Variants in TAB1 observed in about 807,000 individuals in gnomAD.
TAB1 encodes TGF-beta activated kinase 1 (MAP3K7) binding protein 1, also known as TGF-beta-activated kinase 1 and MAP3K7-binding protein 1.
TAB1 carries 30 observed loss-of-function variants against 54.5 expected under a neutral mutation model. That is an observed-to-expected ratio of 0.55 (90% confidence interval 0.41 to 0.75). TAB1 has a LOEUF of 0.75. Among genes scored for constraint, TAB1 ranks in the 30% least tolerant of loss-of-function variants. The pLI is 0.00. For synonymous variants in TAB1, 289 were observed against 286.9 expected, an observed-to-expected ratio of 1.01 and a Z score of -0.07; for missense variants, 609 against 683.2, an observed-to-expected ratio of 0.89 and a Z score of 1.21.
At chr22:39,435,987 A>G (rs1927768936), downstream of TAB1, among the ~76,000 whole-genome samples, 1 of 152,210 alleles carries the variant, frequency 6.6e-6, no homozygotes, top group Non-Finnish European at 1.5e-5. Flanking sequence ...TTTTTAAAAA[A>G]ATAAAAATAA....
At chr22:39,418,285 A>T (rs969102779) in intron 5 of TAB1, among the ~76,000 whole-genome samples, 2 of 152,136 alleles carry the variant, frequency 1.3e-5, no homozygotes, top group Admixed American at 1.3e-4. Context: ...CCTTCTGATG[A>T]TGCTGCCTTT....
At chr22:39,431,977 G>A (rs1048087111), downstream of TAB1, 16 of 688,020 alleles carry the variant, frequency 2.3e-5, no homozygotes, top group South Asian at 6.5e-5. Context: ...AACTCGGCTC[G>A]CCAGGCTGCT....
chr22:39,430,495 A>G lies in TAB1; in HGVS notation c.*273A>G, dbSNP rs1225049407. On this transcript the variant is annotated 3_prime_UTR_variant, in exon 11 of 11. Transcript: ENST00000216160. ...CCTTTCTCAGAGCAGAGGGCCAGGT[A>G]TAGAAACCGCAGTGGGCCTGCAAGC... 2 of 1,343,578 alleles carry G rather than the reference A, an allele frequency of 1.5e-6. No individual in the cohort carries two copies. The highest frequency in any genetic ancestry group is 1.9e-6 in the Non-Finnish European group (2 of 1,041,396). The allele number at this position is 1,343,578 out of a possible 1,614,324, so 83.2% of individuals were successfully genotyped here.
chr22:39,420,409 G>A (rs1315445923), intron 7 of TAB1, among the ~76,000 whole-genome samples: 1 of 152,200 alleles, frequency 6.6e-6, no homozygotes, highest in Admixed American at 6.5e-5. Flanking sequence ...TGGTTGGGGA[G>A]ATAGGCGCGT....
At chr22:39,403,971 G>A (rs561281001) in intron 1 of TAB1, among the ~76,000 whole-genome samples, 1 of 152,282 alleles carries the variant, frequency 6.6e-6, no homozygotes, top group South Asian at 2.1e-4. Context: ...AGTTTGAGTG[G>A]TGAGAGTGGA....
chr22:39,418,979 T>G, intron 6 of TAB1, 134 bp downstream of exon 6: 1 of 693,816 alleles, frequency 1.4e-6, no homozygotes, highest in Non-Finnish European at 2.5e-6. Flanking sequence ...CTGGGGTTCA[T>G]TCCCAGCACT....
rs202229386 is a variant in TAB1, at chr22:39,410,111, TTTC to T, written c.34-4886_34-4884del. On this transcript the variant is annotated intron_variant, in intron 1 of 10. Transcript: ENST00000216160. ...AATTTTGTGTTACTGTGAAGCCGTTTTTCTTCTTCTTTTTGAGACTGAGTCTCA... is the reference window on the plus strand; with the variant it reads ...AATTTTGTGTTACTGTGAAGCCGTTTTTCTTCTTTTTGAGACTGAGTCTCA... Among the ~76,000 whole-genome samples the T allele has an allele frequency of 6.1e-3, 924 of 152,220 alleles. 11 individuals carry two copies. The highest frequency in any genetic ancestry group is 0.042 in the East Asian group (219 of 5,176).
rs1321160758 is a variant in TAB1, at chr22:39,409,199, G to C, written c.34-5807G>C. ...GGAAGACATGGGATACTCCTGACTG[G>C]GTAGATGCTTTTGTATTTCTGCTTA... On this transcript the variant is annotated intron_variant, in intron 1 of 10. Coordinates refer to ENST00000216160, the MANE Select transcript of TAB1 (RefSeq NM_006116.3). Among the ~76,000 whole-genome samples the C allele has an allele frequency of 2.0e-5, 3 of 152,126 alleles. No homozygotes were observed. In the South Asian group the frequency reaches 6.2e-4, roughly 32 times the overall value.
In TAB1 at chr22:39,416,687, G is replaced by A. The variant is rs540739338; in HGVS notation, c.325-104G>A. 118 of 1,063,004 alleles carry A rather than the reference G, an allele frequency of 1.1e-4. No individual in the cohort carries two copies. In the South Asian group the frequency reaches 1.5e-3, roughly 13 times the overall value. The allele number at this position is 1,063,004 out of a possible 1,614,324, so 65.8% of individuals were successfully genotyped here. ...GGAAAGCTCCATCACACAAGAACCT[G>A]CAGTGAAGACAGCAAAGCTGCTGCT... On this transcript the variant is annotated intron_variant, in intron 3 of 10. Transcript: ENST00000216160.
chr22:39,414,737 C>G (rs2145666549), intron 1 of TAB1: 1 of 418,830 alleles, frequency 2.4e-6, no homozygotes, highest in East Asian at 4.6e-5. Context: ...TTCATAACGG[C>G]TCACTCCTGG....
At chr22:39,422,001 G>T in intron 8 of TAB1, 30 bp downstream of exon 8, 1 of 1,498,644 alleles carries the variant, frequency 6.7e-7, no homozygotes, top group Non-Finnish European at 8.9e-7. Flanking sequence ...GCCCATGGCC[G>T]GAGAGCGTGG....
chr22:39,433,606 T>A, downstream of TAB1: 1 of 985,406 alleles, frequency 1.0e-6, no homozygotes, highest in Non-Finnish European at 1.2e-6. Context: ...CTAGGAGTTG[T>A]ACCGTCCTGG....
chr22:39,427,903 C>T lies in TAB1; in HGVS notation c.1145-118C>T, dbSNP rs768322157. On this transcript the variant is annotated intron_variant, in intron 9 of 10. Coordinates refer to ENST00000216160, the MANE Select transcript of TAB1 (RefSeq NM_006116.3). ...CTGGGCTTGGGGAGCCAGGCATGGCCGCCACCCACACTCAGCCCTCAGGCA... is the reference window on the plus strand; with the variant it reads ...CTGGGCTTGGGGAGCCAGGCATGGCTGCCACCCACACTCAGCCCTCAGGCA... 2.1e-5 allele frequency: 22 copies of T among 1,035,330 alleles called. No homozygotes were observed. The Middle Eastern group carries it at 3.8e-3, about 180-fold the overall frequency. 64.1% of individuals were successfully genotyped at this position (1,035,330 alleles called of 1,614,324 possible).
chr22:39,427,083 T>C (rs1230695540), intron 9 of TAB1, among the ~76,000 whole-genome samples, 158 bp downstream of exon 9: 2 of 152,232 alleles, frequency 1.3e-5, no homozygotes, highest in Non-Finnish European at 2.9e-5. Flanking sequence ...CTCTCTGAGC[T>C]GAGTGTTGAT....
At chr22:39,404,578 A>AG (rs1491357352) in intron 1 of TAB1, among the ~76,000 whole-genome samples, 1 of 152,024 alleles carries the variant, frequency 6.6e-6, no homozygotes, top group Non-Finnish European at 1.5e-5. Flanking sequence ...AAAAAAAAAA[A>AG]GAAAGTAAGC....
At chr22:39,423,880 T>C (rs1660479187) in intron 8 of TAB1, among the ~76,000 whole-genome samples, 1 of 151,692 alleles carries the variant, frequency 6.6e-6, no homozygotes, top group Admixed American at 6.6e-5. Flanking sequence ...AACTAATGTA[T>C]AGTGTTTTAT....
intron 1 of TAB1, among the ~76,000 whole-genome samples, chr22:39,413,276 G>A (rs1926685739): frequency 6.6e-6 from 1 of 152,020 alleles, no homozygotes; most frequent in Non-Finnish European, 1.5e-5. Flanking sequence ...TGGAATCTAG[G>A]TTTTTCCAAA....
At chr22:39,434,431 T>A (rs1927710533), downstream of TAB1, among the ~76,000 whole-genome samples, 1 of 152,238 alleles carries the variant, frequency 6.6e-6, no homozygotes, top group Non-Finnish European at 1.5e-5. Context: ...GCTCCTGAAA[T>A]TTCCGCCGAC....
intron 1 of TAB1, among the ~76,000 whole-genome samples, chr22:39,414,221 C>T (rs1214079644): frequency 2.6e-5 from 4 of 151,966 alleles, no homozygotes; most frequent in East Asian, 3.9e-4. Flanking sequence ...CAAAGAGTCC[C>T]GAAGGACCCG....
Sources: gnomAD v4.1 joint callset for allele counts (sites outside exome capture counted in the v4.1 genomes callset) on GRCh38, gnomAD v4.1.1 for gene constraint, MANE v1.5 for transcripts, NCBI Gene and HGNC (gene_info 2026-07-23, HGNC 2026-07-21) for gene names.